The following STK32B variants were observed in gnomAD, a reference collection of about 807,000 sequenced individuals.
STK32B encodes serine/threonine kinase 32B, also known as serine/threonine-protein kinase 32B.
STK32B carries 43 observed loss-of-function variants against 52.6 expected under a neutral mutation model. That is an observed-to-expected ratio of 0.82 (90% CI 0.64 to 1.05). STK32B has a LOEUF of 1.05. Among genes scored for constraint, STK32B ranks in the 50% least tolerant of loss-of-function variants. The probability of loss-of-function intolerance (pLI) is 0.00; values close to 1 mark genes in which losing one functional copy is unlikely to be tolerated. For synonymous variants in STK32B, 238 were observed against 204.3 expected (o/e 1.17, Z -1.41); for missense variants, 621 against 534.6 (o/e 1.16, Z -1.59).
At position 5,242,945 on chromosome 4, in the gene STK32B, T is replaced by C. The variant is rs186898939; in HGVS notation, c.260+74495T>C. 3.5e-3 allele frequency among the ~76,000 whole-genome samples: 530 copies of C among 152,334 alleles called. 4 individuals are homozygous for C. The highest frequency in any genetic ancestry group is 0.015 in the South Asian group (74 of 4,824). On this transcript the variant is annotated intron_variant, in intron 3 of 11. Transcript: ENST00000282908. ...GTGTTCCATTGATCTATATCTCTGT[T>C]TTGGTACCAGTTGCATTCTGTCTTG...
At chr4:5,240,793 A>G (rs1186016419) in intron 3 of STK32B, among the ~76,000 whole-genome samples, 1 of 152,090 alleles carries the variant, frequency 6.6e-6, no homozygotes, top group South Asian at 2.1e-4. Flanking sequence ...TTCTGCTTTG[A>G]TGATTGTGCT....
chr4:5,409,549 A>G (rs557930840), intron 5 of STK32B, among the ~76,000 whole-genome samples: 1 of 152,242 alleles, frequency 6.6e-6, no homozygotes, highest in Admixed American at 6.5e-5. Context: ...GTGGAATAAC[A>G]CTAAAAATTT....
At chr4:5,179,120 C>T (rs189855242) in intron 3 of STK32B, among the ~76,000 whole-genome samples, 1 of 152,230 alleles carries the variant, frequency 6.6e-6, no homozygotes, top group Non-Finnish European at 1.5e-5. Flanking sequence ...AGGAAACTTA[C>T]AATCATTGCA....
At chr4:5,144,270 G>A (rs1019116978) in intron 2 of STK32B, among the ~76,000 whole-genome samples, 12 of 152,136 alleles carry the variant, frequency 7.9e-5, no homozygotes, top group Admixed American at 7.2e-4. Context: ...TGTAAAATAG[G>A]CATATTGGTG....
intron 1 of STK32B, among the ~76,000 whole-genome samples, chr4:5,053,522 C>A (rs964855873): frequency 5.3e-5 from 8 of 152,276 alleles, no homozygotes; most frequent in Admixed American, 3.3e-4. Flanking sequence ...AAATTTGCCA[C>A]CCTTATATTG....
intron 4 of STK32B, among the ~76,000 whole-genome samples, chr4:5,332,327 C>T (rs1480610184): frequency 4.6e-5 from 7 of 152,082 alleles, no homozygotes; most frequent in Admixed American, 4.6e-4. Flanking sequence ...AAACGGGAAA[C>T]TGAATTTAAT....
chr4:5,417,995 A>G (rs1447550841), intron 6 of STK32B, among the ~76,000 whole-genome samples: 1 of 152,196 alleles, frequency 6.6e-6, no homozygotes, highest in Non-Finnish European at 1.5e-5. Flanking sequence ...AAGATGGTAG[A>G]GCCAGTTCTC....
intron 4 of STK32B, among the ~76,000 whole-genome samples, chr4:5,336,516 C>A (rs550415379): frequency 6.6e-6 from 1 of 151,744 alleles, no homozygotes; most frequent in African/African-American, 2.4e-5. Context: ...TATGTTCAGA[C>A]GATAAAAGAA....
chr4:5,089,249 T>C (rs907505441), intron 1 of STK32B, among the ~76,000 whole-genome samples: 2 of 151,988 alleles, frequency 1.3e-5, no homozygotes, highest in African/African-American at 4.8e-5. Context: ...GGGATACACA[T>C]GCAGAACATG....
At chr4:5,038,622 C>G in the STK32B span, among the ~76,000 whole-genome samples, 6 of 152,118 alleles carry the variant, frequency 3.9e-5, no homozygotes, top group Non-Finnish European at 7.4e-5. Flanking sequence ...CTAAATCTAT[C>G]TAAATACAGA....
upstream of STK32B, among the ~76,000 whole-genome samples, chr4:5,049,974 A>T (rs1741699654): frequency 6.6e-6 from 1 of 152,226 alleles, no homozygotes; most frequent in Non-Finnish European, 1.5e-5. Flanking sequence ...GAAGAAACTG[A>T]GTCCAGAACA....
At chr4:5,381,204 A>T (rs1225549228) in intron 4 of STK32B, among the ~76,000 whole-genome samples, 1 of 152,216 alleles carries the variant, frequency 6.6e-6, no homozygotes, top group Non-Finnish European at 1.5e-5. Context: ...CCTGGTTAGG[A>T]ACTGTGCTGT....
intron 3 of STK32B, among the ~76,000 whole-genome samples, chr4:5,291,509 T>G (rs1488819496): frequency 6.6e-6 from 1 of 152,174 alleles, no homozygotes; most frequent in African/African-American, 2.4e-5. Context: ...TAATTATGTT[T>G]GCTGCAGCCT....
At chr4:5,273,991 T>TTA (rs1727624689) in intron 3 of STK32B, among the ~76,000 whole-genome samples, 1 of 149,052 alleles carries the variant, frequency 6.7e-6, no homozygotes, top group African/African-American at 2.5e-5. Context: ...TAAAGTATAA[T>TTA]AAAAAAAAAG....
intron 1 of STK32B, among the ~76,000 whole-genome samples, chr4:5,122,737 G>A (rs1715135717): frequency 6.6e-6 from 1 of 152,192 alleles, no homozygotes. Flanking sequence ...CTTACTGTGT[G>A]CAGGTCCTGG....
chr4:5,282,323 A>G (rs1308322890), intron 3 of STK32B, among the ~76,000 whole-genome samples: 1 of 152,176 alleles, frequency 6.6e-6, no homozygotes, highest in Non-Finnish European at 1.5e-5. Context: ...CAAGTCCCTT[A>G]TATAAAATGC....
intron 6 of STK32B, among the ~76,000 whole-genome samples, chr4:5,430,750 T>C (rs138993814): frequency 1.3e-5 from 2 of 152,362 alleles, no homozygotes; most frequent in African/African-American, 4.8e-5. Flanking sequence ...TAGTTGAGCT[T>C]GACTTGAGTT....
At chr4:5,115,691 G>A (rs181449448) in intron 1 of STK32B, among the ~76,000 whole-genome samples, 4 of 152,010 alleles carry the variant, frequency 2.6e-5, no homozygotes, top group Admixed American at 6.6e-5. Flanking sequence ...CACAGGACAC[G>A]TCCTCAGGAG....
chr4:5,194,644 G>T (rs1039888356), intron 3 of STK32B, among the ~76,000 whole-genome samples: 5 of 152,172 alleles, frequency 3.3e-5, no homozygotes, highest in African/African-American at 1.2e-4. Context: ...GTATTAGGCA[G>T]TTCTCTCACT....
Sources: gnomAD v4.1 joint callset for allele counts (sites outside exome capture counted in the v4.1 genomes callset) on GRCh38, gnomAD v4.1.1 for gene constraint, MANE v1.5 for transcripts, NCBI Gene and HGNC (gene_info 2026-07-23, HGNC 2026-07-21) for gene names.